The following FGF14 variants were observed in gnomAD, a reference collection of about 807,000 sequenced individuals.
FGF14 encodes fibroblast growth factor homologous factor 4.
A neutral mutation model predicts 25.5 loss-of-function variants in FGF14; 5 were observed. That is an observed-to-expected ratio of 0.20 (90% CI 0.10 to 0.41). FGF14 has a LOEUF of 0.41. Ranked by LOEUF, FGF14 falls within the 10% of genes least tolerant of loss-of-function variation. FGF14 has a pLI of 1.00. For synonymous variants in FGF14, 138 were observed against 118.3 expected, an observed-to-expected ratio of 1.17 and a Z score of -1.08; for missense variants, 222 against 320.1, an observed-to-expected ratio of 0.69 and a Z score of 2.34.
chr13:101,868,769 C>T lies in FGF14; in HGVS notation c.364G>A (p.Gly122Arg), dbSNP rs370967683. The T allele has an allele frequency of 7.4e-6, 12 of 1,613,598 alleles. No homozygotes were observed. In the African/African-American group the frequency reaches 1.5e-4, roughly 20 times the overall value. The part of the protein sequence containing the change: ...RVVAIQGVKT[G>R]LYIAMNGEGY... ...TCTCCATTCATGGCTATATACAACC[C>T]TGTTTTCACTCCCTGGATGGCAACA... The change falls in exon 3 of 5, where the codon GGG becomes AGG. Residue 122 changes from glycine to arginine, a missense_variant. By Grantham distance (125) the Gly-to-Arg change is moderately radical. Coordinates refer to ENST00000376143, the MANE Select transcript of FGF14 (RefSeq NM_004115.4).
intron 1 of FGF14, among the ~76,000 whole-genome samples, chr13:102,007,966 C>T (rs530332325): frequency 1.3e-5 from 2 of 152,240 alleles, no homozygotes; most frequent in Non-Finnish European, 2.9e-5. Context: ...GGGTGTATAA[C>T]ACAACAAGCT....
chr13:101,879,097 T>C (rs1412785409), intron 1 of FGF14, among the ~76,000 whole-genome samples: 1 of 152,182 alleles, frequency 6.6e-6, no homozygotes, highest in Non-Finnish European at 1.5e-5. Flanking sequence ...ACTCATAAAA[T>C]TATTAGTTCT....
Position 101,743,668 on chromosome 13 carries a change from G to A in FGF14, c.409-16858C>T, listed in dbSNP as rs117799942. 2.8e-3 allele frequency among the ~76,000 whole-genome samples: 426 copies of A among 152,174 alleles called. 1 individual carries two copies. Among genetic ancestry groups the A allele is most frequent in the Non-Finnish European group, 4.8e-3 (323 of 67,994 alleles). On this transcript the variant is annotated intron_variant, in intron 3 of 4. Transcript: ENST00000376143. ...GTTCAGATAAAGAAACATATACAAC[G>A]AAGCAATGTCTATGCTCTGTCTATA... is the stretch of plus-strand genomic sequence containing the variant.
rs898675611 is a variant in FGF14, at chr13:102,301,261, C to A, written c.208+100210G>T. Among the ~76,000 whole-genome samples, 4 of 152,224 alleles carry A rather than the reference C, an allele frequency of 2.6e-5. No individual in the cohort carries two copies. In the South Asian group the frequency reaches 6.2e-4, roughly 24 times the overall value. ...CTGATATATCTATAATCAAAAGCAG[C>A]ATTTTGGAATGGAATAGTTCCTTAT... On this transcript the variant is annotated intron_variant, in intron 1 of 4. Coordinates refer to the FGF14 transcript ENST00000376131.
intron 1 of FGF14, among the ~76,000 whole-genome samples, chr13:101,932,211 T>C (rs2034798947): frequency 6.6e-6 from 1 of 152,148 alleles, no homozygotes; most frequent in Admixed American, 6.5e-5. Context: ...AAAAGGTGTA[T>C]GGCGTTCTTT....
intron 1 of FGF14, among the ~76,000 whole-genome samples, chr13:102,290,419 A>C (rs535026383): frequency 1.2e-3 from 179 of 152,254 alleles, no homozygotes; most frequent in African/African-American, 4.2e-3. Flanking sequence ...TACCCATCTT[A>C]GGGTATGTTT....
At chr13:101,904,712 A>G (rs928564265) in intron 1 of FGF14, among the ~76,000 whole-genome samples, 3 of 152,206 alleles carry the variant, frequency 2.0e-5, no homozygotes, top group African/African-American at 7.2e-5. Context: ...TAACAGTGTA[A>G]TATGCATCTC....
intron 1 of FGF14, among the ~76,000 whole-genome samples, chr13:102,112,411 G>C (rs1010958487): frequency 2.0e-5 from 3 of 151,970 alleles, no homozygotes; most frequent in Non-Finnish European, 4.4e-5. Flanking sequence ...TTTAAAATCC[G>C]AGTCACTTCT....
At chr13:101,953,892 C>A (rs1043233915) in intron 1 of FGF14, among the ~76,000 whole-genome samples, 2 of 152,072 alleles carry the variant, frequency 1.3e-5, no homozygotes, top group Non-Finnish European at 2.9e-5. Flanking sequence ...GCCCGGCCAG[C>A]TTTCTAGATT....
At chr13:101,743,927 A>G (rs1004596816) in intron 3 of FGF14, among the ~76,000 whole-genome samples, 24 of 152,172 alleles carry the variant, frequency 1.6e-4, no homozygotes, top group African/African-American at 5.5e-4. Context: ...AAAATTGTTT[A>G]CAAATATACT....
At chr13:101,894,550 G>C (rs2138923298) in intron 1 of FGF14, among the ~76,000 whole-genome samples, 1 of 152,270 alleles carries the variant, frequency 6.6e-6, no homozygotes, top group Non-Finnish European at 1.5e-5. Context: ...AGTTGACAAA[G>C]AAATTTCCGC....
chr13:101,981,082 A>AACACACACAC (rs58666555), intron 1 of FGF14, among the ~76,000 whole-genome samples: 4,454 of 123,686 alleles, frequency 0.036, 161 homozygotes, highest in East Asian at 0.13. Context: ...TCTCTACTAA[A>AACACACACAC]ACACACACAC....
intron 3 of FGF14, among the ~76,000 whole-genome samples, chr13:101,727,584 A>G (rs2035525792): frequency 6.6e-6 from 1 of 152,184 alleles, no homozygotes; most frequent in African/African-American, 2.4e-5. Context: ...CACAAAGCTT[A>G]CTACTTTACA....
At chr13:102,183,994 G>C (rs1157467569) in intron 1 of FGF14, among the ~76,000 whole-genome samples, 1 of 152,166 alleles carries the variant, frequency 6.6e-6, no homozygotes, top group African/African-American at 2.4e-5. Flanking sequence ...CCTTCTAGGA[G>C]GTTAAGTAAA....
rs150015418 is a variant in FGF14, at chr13:101,748,384, A to G, written c.409-21574T>C. Among the ~76,000 whole-genome samples, 8 of 152,170 alleles carry G rather than the reference A, an allele frequency of 5.3e-5. No individual in the cohort carries two copies. In the East Asian group the frequency reaches 1.2e-3, roughly 22 times the overall value. On this transcript the variant is annotated intron_variant, in intron 3 of 4. Transcript: ENST00000376143. ...ATCTTAAGTGAAATAACTCATAAGC[A>G]TAGAGCCAAATACCACATGTTCTCA... is the stretch of plus-strand genomic sequence containing the variant.
At chr13:102,079,794 T>C (rs2043531562) in intron 1 of FGF14, among the ~76,000 whole-genome samples, 1 of 152,060 alleles carries the variant, frequency 6.6e-6, no homozygotes, top group African/African-American at 2.4e-5. Flanking sequence ...AGTCTGATGG[T>C]GATAAGAGGG....
chr13:101,958,676 T>C (rs1035956181), intron 1 of FGF14, among the ~76,000 whole-genome samples: 3 of 152,230 alleles, frequency 2.0e-5, no homozygotes, highest in Non-Finnish European at 4.4e-5. Flanking sequence ...CCCTGTCATT[T>C]AGAAGCCAGC....
At chr13:102,018,264 G>A (rs2040449459) in intron 1 of FGF14, among the ~76,000 whole-genome samples, 1 of 152,050 alleles carries the variant, frequency 6.6e-6, no homozygotes, top group African/African-American at 2.4e-5. Context: ...CTTCCTCCTG[G>A]GTTTTGTACA....
chr13:102,161,087 C>T (rs1409862804), intron 1 of FGF14, among the ~76,000 whole-genome samples: 1 of 151,950 alleles, frequency 6.6e-6, no homozygotes. Flanking sequence ...GAGAAAGAAA[C>T]AATGGAGGAA....
Sources: allele counts gnomAD v4.1 joint callset (sites outside exome capture counted in the v4.1 genomes callset), GRCh38; gene constraint gnomAD v4.1.1; transcripts MANE v1.5; gene names NCBI Gene and HGNC (gene_info 2026-07-23, HGNC 2026-07-21).